The following AMER1 variants were observed in gnomAD, a reference collection of about 807,000 sequenced individuals.
AMER1 encodes APC membrane recruitment protein 1.
Under a neutral mutation model 53.0 loss-of-function variants are expected in AMER1, and 16 were observed. The observed-to-expected ratio is 0.30, with a 90% confidence interval of 0.20 to 0.46. AMER1 has a LOEUF of 0.46. AMER1 is among the 20% of genes least tolerant of loss of function. The pLI is 1.00. For synonymous variants in AMER1, 354 were observed against 331.9 expected (o/e 1.07, Z -0.73); for missense variants, 947 against 884.9 (o/e 1.07, Z -0.89).
intron 1 of AMER1, among the ~76,000 whole-genome samples, chrX:64,202,185 A>C (rs1296311217): frequency 9.0e-6 from 1 of 111,725 alleles, no homozygotes; most frequent in Non-Finnish European, 1.9e-5. Flanking sequence ...GGATCATTAG[A>C]CTGCCAAATT....
At chrX:64,198,242 C>A (rs1930417352) in intron 1 of AMER1, among the ~76,000 whole-genome samples, 1 of 112,057 alleles carries the variant, frequency 8.9e-6, no homozygotes, top group Admixed American at 9.5e-5. Context: ...GTTCTCTAGC[C>A]CAGGTCAAAC....
In AMER1 at chrX:64,192,411, C is replaced by G. The variant is rs138948924; in HGVS notation, c.876G>C (p.Lys292Asn). Residue 292 changes from lysine to asparagine, a missense_variant, in exon 2 of 2, where the codon AAG becomes AAC. Transcript: ENST00000374869. ...EEPHSPETGEKVVAGEVNPPN... is the reference protein window; with the variant it reads ...EEPHSPETGENVVAGEVNPPN... ...GTGGGTTTACCTCTCCTGCTACTACCTTCTCCCCTGTTTCTGGGCTATGGG... is the reference window on the plus strand; with the variant it reads ...GTGGGTTTACCTCTCCTGCTACTACGTTCTCCCCTGTTTCTGGGCTATGGG... 2.4e-3 allele frequency: 2,931 copies of G among 1,210,497 alleles called. 41 individuals carry two copies. The African/African-American group carries it at 0.046, about 19-fold the overall frequency.
chrX:64,189,794 C>CA lies in AMER1; in HGVS notation c.*84_*85insT. ...AAAGGGTTTTCAAGTTAAACAACAA[C>CA]CCCCACCCCCCCACCCTTCTGCCCA... On this transcript the variant is annotated 3_prime_UTR_variant, in exon 2 of 2. Transcript: ENST00000374869. The CA allele has an allele frequency of 5.6e-5, 17 of 301,665 alleles. No homozygotes were observed. The highest frequency in any genetic ancestry group is 1.7e-3 in the Middle Eastern group (1 of 589). 24.9% of individuals were successfully genotyped at this position (301,665 alleles called of 1,213,427 possible).
chrX:64,190,278 T>C lies in AMER1; in HGVS notation c.3009A>G (p.Ile1003Met), dbSNP rs757257940. 4 of 1,211,780 alleles carry C rather than the reference T, an allele frequency of 3.3e-6. No homozygotes were observed. The highest frequency in any genetic ancestry group is 4.5e-6 in the Non-Finnish European group (4 of 895,533). The change falls in exon 2 of 2, where the codon ATA becomes ATG. Residue 1003 changes from isoleucine to methionine, a missense_variant. Coordinates refer to ENST00000374869, the MANE Select transcript of AMER1 (RefSeq NM_152424.4). ...CCCTTGACTCTGGCACTGATAGTGA[T>C]ATTGACATGGTCATAGGAGGTATGC... ...TCCIPPMTMS[I>M]SLSVPESRAP...
In AMER1 at chrX:64,189,539, T is replaced by TA. The variant is rs386417044; in HGVS notation, c.*339dup. The TA allele has an allele frequency of 4.5e-3, 500 of 111,113 alleles. 17 individuals are homozygous for TA. The African/African-American group carries it at 0.059, about 13-fold the overall frequency. The allele number at this position is 111,113 out of a possible 1,213,427, so 9.2% of individuals were successfully genotyped here. On this transcript the variant is annotated 3_prime_UTR_variant, in exon 2 of 2. Coordinates refer to ENST00000374869, the MANE Select transcript of AMER1 (RefSeq NM_152424.4). ...GTATATATATATATATATATATATA[T>TA]ATATATATATATATATATAATCACT... is the stretch of plus-strand genomic sequence containing the variant.
At position 64,192,366 on chromosome X, in the gene AMER1, G is replaced by T; in HGVS notation, c.921C>A (p.Asp307Glu). 1.6e-6 allele frequency: 2 copies of T among 1,212,317 alleles called. No individual in the cohort carries two copies. The highest frequency in any genetic ancestry group is 1.1e-6 in the Non-Finnish European group (1 of 895,632). ...CATCCCCAAACAAGAGGCTCAGTGG[G>T]TCCCCCACAGGGCCATTGGGTGGGT... ...EVNPPNGPVG[D>E]PLSLLFGDVT... The change falls in exon 2 of 2, where the codon GAC (aspartate) becomes GAA (glutamate). Residue 307 changes from aspartate (D) to glutamate (E), a missense_variant. Transcript: ENST00000374869.
chrX:64,189,371 G>A lies in AMER1; in HGVS notation c.*508C>T. 2 of 786,218 alleles carry A rather than the reference G, an allele frequency of 2.5e-6. No homozygotes were observed. The highest frequency in any genetic ancestry group is 3.0e-6 in the Non-Finnish European group (2 of 659,300). 64.8% of individuals were successfully genotyped at this position (786,218 alleles called of 1,213,427 possible). ...GCAATGCAGACTTGGCTGCTAATCA[G>A]TGGTTCATCATTCATTGGGGGAAAG... On this transcript the variant is annotated 3_prime_UTR_variant, in exon 2 of 2. Coordinates refer to ENST00000374869, the MANE Select transcript of AMER1 (RefSeq NM_152424.4).
chrX:64,185,700 G>A lies in AMER1; in HGVS notation c.*4179C>T. On this transcript the variant is annotated 3_prime_UTR_variant, in exon 2 of 2. Transcript: ENST00000374869. ...GAGGGGGAATGGTGGTAGGGGAGGA[G>A]ATTCCCCCAAAGCAGCAAGAGGGGT... 1 of 180,403 alleles carries A rather than the reference G, an allele frequency of 5.5e-6. No homozygotes were observed. Among genetic ancestry groups the A allele is most frequent in the Non-Finnish European group, 1.1e-5 (1 of 94,836 alleles). 14.9% of individuals were successfully genotyped at this position (180,403 alleles called of 1,213,427 possible).
intron 1 of AMER1, among the ~76,000 whole-genome samples, chrX:64,204,117 C>A (rs1282072491): frequency 8.9e-6 from 1 of 112,689 alleles, no homozygotes; most frequent in Non-Finnish European, 1.9e-5. Context: ...AGAGAGCCCA[C>A]TGCCAGAGGT....
chrX:64,193,013 T>G lies in AMER1; in HGVS notation c.274A>C (p.Lys92Gln). Residue 92 changes from lysine to glutamine, a missense_variant, in exon 2 of 2, where the codon AAG becomes CAG. Transcript: ENST00000374869. ...GKGSSKKGLS[K>Q]SKTHDGLSEA... ...CTCAGGCCATCGTGGGTCTTGCTCTTGCTGAGACCTTTCTTGGAGCTGCCT... is the reference window on the plus strand; with the variant it reads ...CTCAGGCCATCGTGGGTCTTGCTCTGGCTGAGACCTTTCTTGGAGCTGCCT... The G allele has an allele frequency of 8.3e-7, 1 of 1,211,967 alleles. No individual in the cohort carries two copies. The highest frequency in any genetic ancestry group is 1.1e-6 in the Non-Finnish European group (1 of 895,515).
chrX:64,194,090 A>G (rs1201631137), intron 1 of AMER1, among the ~76,000 whole-genome samples: 3 of 112,006 alleles, frequency 2.7e-5, no homozygotes, highest in Non-Finnish European at 5.6e-5. Context: ...CTGGGCTTCA[A>G]TATTCGCCAT....
Position 64,192,953 on chromosome X carries a change from C to T in AMER1, c.334G>A (p.Glu112Lys), listed in dbSNP as rs764161315. 1 of 1,211,765 alleles carries T rather than the reference C, an allele frequency of 8.3e-7. No individual in the cohort carries two copies. ...AAHGPEDVVS[E>K]GTGFSLPLPE... ...AAAGGCAGGGAGAAGCCAGTTCCTT[C>T]ACTGACAACATCTTCAGGGCCATGG... Residue 112 changes from glutamate to lysine, a missense_variant, in exon 2 of 2, where the codon GAA (glutamate) becomes AAA (lysine). Glu to Lys is a moderately conservative substitution (Grantham distance 56). Transcript: ENST00000374869.
rs1930098847 is a variant in AMER1 at position 64,186,035 on chromosome X, T to C, written c.*3844A>G. 1.1e-6 allele frequency: 1 copy of C among 895,931 alleles called. No homozygotes were observed. Among genetic ancestry groups the C allele is most frequent in the South Asian group, 2.4e-5 (1 of 41,729 alleles). The allele number at this position is 895,931 out of a possible 1,213,427, so 73.8% of individuals were successfully genotyped here. A position where few individuals can be genotyped will look rare whatever the true frequency, so the allele number is the denominator to read the frequency against. On this transcript the variant is annotated 3_prime_UTR_variant, in exon 2 of 2. Transcript: ENST00000374869. ...GAGGAAAAAAAATAAGACACATGAG[T>C]ACTCTCAGAGGGTCTAGACATGGGG...
In AMER1 at chrX:64,186,149, G is replaced by A. The variant is rs375361488; in HGVS notation, c.*3730C>T. The A allele has an allele frequency of 5.6e-5, 68 of 1,208,472 alleles. No individual in the cohort carries two copies. The highest frequency in any genetic ancestry group is 3.0e-4 in the East Asian group (10 of 33,685). On this transcript the variant is annotated 3_prime_UTR_variant, in exon 2 of 2. Transcript: ENST00000374869. ...GTCCCACACGCCTGAGTCACTTGGCGTTTGTCTTCAGTACCTGGGCATCTT... is the reference window on the plus strand; with the variant it reads ...GTCCCACACGCCTGAGTCACTTGGCATTTGTCTTCAGTACCTGGGCATCTT...
chrX:64,190,905 T>TGAGTCA lies in AMER1; in HGVS notation c.2376_2381dup (p.Asp793_Ser794dup). ...GCTCAGGGAGGTTTTGAGTGAAAGA[T>TGAGTCA]GAGTCAGAGTCAGAGCTGCAGGACA... On this transcript the variant is annotated inframe_insertion, in exon 2 of 2. Coordinates refer to ENST00000374869, the MANE Select transcript of AMER1 (RefSeq NM_152424.4). 1 of 1,211,416 alleles carries TGAGTCA rather than the reference T, an allele frequency of 8.3e-7. No individual in the cohort carries two copies. Among genetic ancestry groups the TGAGTCA allele is most frequent in the East Asian group, 3.0e-5 (1 of 33,809 alleles).
intron 1 of AMER1, among the ~76,000 whole-genome samples, chrX:64,196,918 C>A (rs752871219): frequency 8.9e-6 from 1 of 112,332 alleles, no homozygotes. Context: ...CCTAGCGTAG[C>A]CCCACCTAGC....
rs137852217 is a variant in AMER1 at position 64,192,215 on chromosome X, G to T, written c.1072C>A (p.Arg358=). ...GQRANRDGTK[R]SSCLVTYQGG... ...TGGTAGGTCACCAGGCAGGAACTTC[G>T]CTTGGTCCCATCTCGGTTTGCTCTC... The change falls in exon 2 of 2, where the codon CGA becomes AGA. Residue 358 remains arginine (R), a synonymous_variant. Coordinates refer to ENST00000374869, the MANE Select transcript of AMER1 (RefSeq NM_152424.4). 8 of 1,211,606 alleles carry T rather than the reference G, an allele frequency of 6.6e-6. No individual in the cohort carries two copies.
Position 64,189,793 on chromosome X carries a change from A to ACGGGGGGGCC in AMER1, c.*85_*86insGGCCCCCCCG. 3.4e-6 allele frequency: 1 copy of ACGGGGGGGCC among 292,067 alleles called. No homozygotes were observed. The highest frequency in any genetic ancestry group is 4.9e-6 in the Non-Finnish European group (1 of 204,825). 24.1% of individuals were successfully genotyped at this position (292,067 alleles called of 1,213,427 possible). The stretch of plus-strand genomic sequence containing the variant: ...CAAAGGGTTTTCAAGTTAAACAACA[A>ACGGGGGGGCC]CCCCCACCCCCCCACCCTTCTGCCC... On this transcript the variant is annotated 3_prime_UTR_variant, in exon 2 of 2. Coordinates refer to ENST00000374869, the MANE Select transcript of AMER1 (RefSeq NM_152424.4).
chrX:64,194,783 T>C (rs1247317519), intron 1 of AMER1, among the ~76,000 whole-genome samples: 1 of 111,770 alleles, frequency 8.9e-6, no homozygotes, highest in Non-Finnish European at 1.9e-5. Context: ...AGTGGAAGAC[T>C]GTGGACCAGC....
Sources: allele counts gnomAD v4.1 joint callset (sites outside exome capture counted in the v4.1 genomes callset), GRCh38; gene constraint gnomAD v4.1.1; transcripts MANE v1.5; gene names NCBI Gene and HGNC (gene_info 2026-07-23, HGNC 2026-07-21).